SYTL3: variants seen among roughly 807,000 people sequenced by gnomAD.
The protein encoded by SYTL3 is synaptotagmin-like protein 3.
Under a neutral mutation model 82.1 loss-of-function variants are expected in SYTL3, and 88 were observed. The ratio of observed to expected loss-of-function variants is 1.07; its 90% CI spans 0.90 to 1.28. The LOEUF is 1.28. Ranked by LOEUF, SYTL3 falls within the 50% of genes most tolerant of loss-of-function variation. SYTL3 has a pLI of 0.00. For missense variants in SYTL3, 831 were observed against 757.6 expected (o/e 1.10, Z -1.14); for synonymous variants, 311 against 289.4 (o/e 1.07, Z -0.76).
intron 12 of SYTL3, among the ~76,000 whole-genome samples, chr6:158,751,143 A>G (rs978466612): frequency 6.6e-6 from 1 of 152,110 alleles, no homozygotes; most frequent in Non-Finnish European, 1.5e-5. Flanking sequence ...CCTAGGGGGA[A>G]GAAGAGACCC....
intron 6 of SYTL3, among the ~76,000 whole-genome samples, chr6:158,694,689 T>C (rs928057688): frequency 6.6e-6 from 1 of 152,230 alleles, no homozygotes; most frequent in Non-Finnish European, 1.5e-5. Context: ...TCACTTTGAA[T>C]ACATGAATTT....
chr6:158,729,039 C>T (rs192081811), intron 11 of SYTL3, among the ~76,000 whole-genome samples: 6 of 152,164 alleles, frequency 3.9e-5, no homozygotes, highest in Middle Eastern at 3.4e-3. Flanking sequence ...GGCGACAGAG[C>T]GAGACTCTGT....
intron 14 of SYTL3, among the ~76,000 whole-genome samples, chr6:158,759,066 G>A (rs569069366): frequency 1.3e-5 from 2 of 152,256 alleles, no homozygotes; most frequent in African/African-American, 2.4e-5. Context: ...TGAATCCCCC[G>A]TGCACCCTGC....
chr6:158,719,808 G>A (rs542369250), intron 10 of SYTL3, among the ~76,000 whole-genome samples: 2 of 152,306 alleles, frequency 1.3e-5, no homozygotes, highest in Admixed American at 6.5e-5. Context: ...GATAAAGATC[G>A]GCCGAGCCTG....
At chr6:158,696,704 G>A (rs1345295926) in intron 6 of SYTL3, among the ~76,000 whole-genome samples, 1 of 150,726 alleles carries the variant, frequency 6.6e-6, no homozygotes, top group Non-Finnish European at 1.5e-5. Flanking sequence ...TTTTTTAATT[G>A]GATTGTTTTG....
At chr6:158,707,019 A>G (rs1054156923) in intron 6 of SYTL3, among the ~76,000 whole-genome samples, 5 of 152,230 alleles carry the variant, frequency 3.3e-5, no homozygotes, top group Non-Finnish European at 5.9e-5. Flanking sequence ...TTTTCAGTCT[A>G]CAATGCAATG....
chr6:158,742,813 T>A (rs1787109376), intron 11 of SYTL3, among the ~76,000 whole-genome samples: 2 of 152,092 alleles, frequency 1.3e-5, no homozygotes. Context: ...TCTGCTGACC[T>A]CCTGACCTCA....
chr6:158,674,085 AAATAATAATAAT>A (rs71298903), intron 5 of SYTL3, among the ~76,000 whole-genome samples: 27 of 126,048 alleles, frequency 2.1e-4, no homozygotes, highest in Admixed American at 9.9e-4. Flanking sequence ...CTGTGTCTCA[AAATAATAATAAT>A]AATAATAATA....
chr6:158,738,803 GT>G (rs771522587), intron 11 of SYTL3, among the ~76,000 whole-genome samples: 1 of 152,186 alleles, frequency 6.6e-6, no homozygotes, highest in Non-Finnish European at 1.5e-5. Context: ...GATGACAGGT[GT>G]GTGCCACCGT....
In SYTL3 at chr6:158,650,685, G is replaced by A. The variant is rs548166539; in HGVS notation, c.-727+607G>A. Among the ~76,000 whole-genome samples, 11 of 151,996 alleles carry A rather than the reference G, an allele frequency of 7.2e-5. No homozygotes were observed. The South Asian group carries it at 1.7e-3, about 23-fold the overall frequency. ...GGGCTGGGTGCGGTGGCTCACGCCT[G>A]TAATCCCAGTACTTTGGGAGGCCAA... On this transcript the variant is annotated intron_variant, in intron 1 of 17. Coordinates refer to ENST00000611299, the MANE Select transcript of SYTL3 (RefSeq NM_001242394.2).
chr6:158,691,527 G>GC (rs1368212476), intron 6 of SYTL3, among the ~76,000 whole-genome samples: 3 of 151,974 alleles, frequency 2.0e-5, no homozygotes, highest in Admixed American at 2.0e-4. Context: ...TAGAAATGAT[G>GC]CCCTCTTCTG....
At chr6:158,653,155 G>C (rs1788241507) in intron 2 of SYTL3, among the ~76,000 whole-genome samples, 1 of 152,188 alleles carries the variant, frequency 6.6e-6, no homozygotes, top group Non-Finnish European at 1.5e-5. Context: ...GAACTGAGCT[G>C]AGAGCTGTTC....
rs894913590 is a variant in SYTL3 at position 158,663,010 on chromosome 6, A to AC, written c.-253dup. The AC allele has an allele frequency of 1.1e-5, 4 of 351,864 alleles. No homozygotes were observed. The highest frequency in any genetic ancestry group is 1.6e-5 in the Non-Finnish European group (3 of 193,478). The allele number at this position is 351,864 out of a possible 1,614,324, so 21.8% of individuals were successfully genotyped here. On this transcript the variant is annotated 5_prime_UTR_variant, in exon 4 of 18. The change creates a premature stop within an existing upstream ORF in the 5' untranslated region. Coordinates refer to ENST00000611299, the MANE Select transcript of SYTL3 (RefSeq NM_001242394.2). ...AGCTGCTGCAGAACCCGGTGAAAAC[A>AC]CCCCCCGGGTAGCACGAGGCTCTGC...
intron 11 of SYTL3, among the ~76,000 whole-genome samples, chr6:158,728,360 G>T (rs1362070361): frequency 6.6e-6 from 1 of 151,360 alleles, no homozygotes; most frequent in African/African-American, 2.4e-5. Flanking sequence ...GAAAAAAAAA[G>T]ACTGTTGTAT....
chr6:158,758,851 G>A (rs959653026), intron 14 of SYTL3, among the ~76,000 whole-genome samples: 3 of 152,152 alleles, frequency 2.0e-5, no homozygotes, highest in Non-Finnish European at 2.9e-5. Context: ...TCCAGGACCC[G>A]GAGCTCAGGA....
chr6:158,666,589 G>C (rs1418388882), intron 5 of SYTL3, among the ~76,000 whole-genome samples: 2 of 152,200 alleles, frequency 1.3e-5, no homozygotes, highest in Non-Finnish European at 2.9e-5. Context: ...TACTAGGCTG[G>C]TGTGAATGGG....
At chr6:158,701,174 A>ACTGTCTGGGGGGAGGAGCCGTGGGAAGAG (rs1174100414) in intron 6 of SYTL3, among the ~76,000 whole-genome samples, 38 of 129,608 alleles carry the variant, frequency 2.9e-4, no homozygotes, top group South Asian at 5.1e-4. Context: ...TAGATGAAGG[A>ACTGTCTGGGGGGAGGAGCCGTGGGAAGAG]GGTGAGCTGG....
chr6:158,650,871 A>C (rs1479515391), intron 1 of SYTL3, among the ~76,000 whole-genome samples: 1 of 152,128 alleles, frequency 6.6e-6, no homozygotes, highest in Non-Finnish European at 1.5e-5. Flanking sequence ...GAATCACTTG[A>C]ACCTGGGAGG....
At chr6:158,671,461 C>T (rs1777372444) in intron 5 of SYTL3, among the ~76,000 whole-genome samples, 1 of 152,052 alleles carries the variant, frequency 6.6e-6, no homozygotes, top group East Asian at 1.9e-4. Flanking sequence ...ATCCAGGGTT[C>T]ACACCAAGAA....
Sources: allele counts gnomAD v4.1 joint callset (sites outside exome capture counted in the v4.1 genomes callset), GRCh38; gene constraint gnomAD v4.1.1; transcripts MANE v1.5; gene names NCBI Gene and HGNC (gene_info 2026-07-23, HGNC 2026-07-21).